The following DAAM2 variants were observed in gnomAD, a reference collection of about 807,000 sequenced individuals.
DAAM2 encodes dishevelled associated activator of morphogenesis 2.
DAAM2 carries 39 observed loss-of-function variants against 120.7 expected under a neutral mutation model. That is an observed-to-expected ratio of 0.32 (90% CI 0.25 to 0.42). DAAM2 has a LOEUF of 0.42. DAAM2 is among the 10% of genes least tolerant of loss of function. DAAM2 has a pLI of 1.00. For synonymous variants in DAAM2, 488 were observed against 524.9 expected (o/e 0.93, Z 0.96); for missense variants, 1,283 against 1,401.7 (o/e 0.92, Z 1.35).
At chr6:39,807,361 A>G (rs1231425823) in intron 1 of DAAM2, among the ~76,000 whole-genome samples, 1 of 152,240 alleles carries the variant, frequency 6.6e-6, no homozygotes, top group African/African-American at 2.4e-5. Flanking sequence ...ATTTATATGT[A>G]TAATTAAAGC....
At chr6:39,844,578 C>T (rs532608414) in intron 1 of DAAM2, among the ~76,000 whole-genome samples, 7 of 152,242 alleles carry the variant, frequency 4.6e-5, no homozygotes, top group East Asian at 1.9e-4. Context: ...CGGTCTATGG[C>T]GGATGTAAGC....
chr6:39,891,290 C>T (rs1310592705), intron 17 of DAAM2, 51 bp from the exon 18 acceptor site: 2 of 1,409,462 alleles, frequency 1.4e-6, no homozygotes, highest in East Asian at 2.4e-5. Flanking sequence ...CCCTGTACCC[C>T]ATGTCTGCTG....
chr6:39,798,504 G>A (rs1192633005), intron 1 of DAAM2, among the ~76,000 whole-genome samples: 1 of 152,198 alleles, frequency 6.6e-6, no homozygotes, highest in Non-Finnish European at 1.5e-5. Context: ...CAGTAAGCTT[G>A]TGTGAAGAAA....
Position 39,901,411 on chromosome 6 carries a change from A to G in DAAM2, c.2921A>G (p.Asp974Gly). Residue 974 changes from aspartate (D) to glycine (G), a missense_variant, in exon 24 of 25, where the codon GAT becomes GGT. This residue lies in a region of DAAM2 where 748 missense variants were observed against 768.6 expected (regional missense o/e 0.97). Transcript: ENST00000274867. The surrounding 1 kb of genome is among the most constrained non-coding windows in gnomAD (Gnocchi z 4.5). ...CAGGCCTTCTCAGAGGCCCGGCAGG[A>G]TCTAGAGGCCATGAGGAGGAGGAAG... ...FLQAFSEARQ[D>G]LEAMRRRKEE... 1 of 1,613,574 alleles carries G rather than the reference A, an allele frequency of 6.2e-7. No individual in the cohort carries two copies. The highest frequency in any genetic ancestry group is 8.5e-7 in the Non-Finnish European group (1 of 1,179,850).
intron 10 of DAAM2, among the ~76,000 whole-genome samples, 154 bp downstream of exon 10, chr6:39,873,509 C>T (rs1390206929): frequency 1.3e-5 from 2 of 152,324 alleles, no homozygotes; most frequent in East Asian, 1.9e-4. Context: ...GACGGAGGCC[C>T]CTGCTTTTCC....
At chr6:39,886,559 C>T in intron 15 of DAAM2, 1 of 398,478 alleles carries the variant, frequency 2.5e-6, no homozygotes, top group Admixed American at 4.4e-5. Context: ...CTACCTTATT[C>T]CCCATTCATA....
intron 1 of DAAM2, among the ~76,000 whole-genome samples, chr6:39,815,638 C>T (rs563396065): frequency 7.9e-5 from 10 of 127,284 alleles, no homozygotes; most frequent in African/African-American, 2.8e-4. Context: ...GAATTACTCC[C>T]ATACCCCTGG....
chr6:39,882,642 T>C (rs1034499435), intron 14 of DAAM2, among the ~76,000 whole-genome samples: 1 of 151,882 alleles, frequency 6.6e-6, no homozygotes, highest in Admixed American at 6.6e-5. Flanking sequence ...CCCACACCCC[T>C]TTCCAGAAGC....
At chr6:39,880,758 C>T (rs73734943) in intron 14 of DAAM2, among the ~76,000 whole-genome samples, 3,175 of 152,268 alleles carry the variant, frequency 0.021, 113 homozygotes, top group African/African-American at 0.072. Flanking sequence ...TGTAGTTTCC[C>T]GGGCCTCTGA....
intron 1 of DAAM2, among the ~76,000 whole-genome samples, chr6:39,830,041 C>A (rs996899451): frequency 1.3e-5 from 2 of 152,098 alleles, no homozygotes; most frequent in Non-Finnish European, 2.9e-5. Context: ...TGCCCACTAC[C>A]CCGGCCTGCT....
chr6:39,807,604 C>T (rs1321423551), intron 1 of DAAM2, among the ~76,000 whole-genome samples: 1 of 152,158 alleles, frequency 6.6e-6, no homozygotes, highest in Non-Finnish European at 1.5e-5. Context: ...GCAACCTCCG[C>T]CTCCTGGGTT....
In DAAM2 at chr6:39,886,436, C is replaced by T. The variant is rs1765383092; in HGVS notation, c.1954-1050C>T. 4 of 399,206 alleles carry T rather than the reference C, an allele frequency of 1.0e-5. No individual in the cohort carries two copies. The South Asian group carries it at 5.1e-4, about 51-fold the overall frequency. The allele number at this position is 399,206 out of a possible 1,614,324, so 24.7% of individuals were successfully genotyped here. A position where few individuals can be genotyped will look rare whatever the true frequency, so the allele number is the denominator to read the frequency against. On this transcript the variant is annotated intron_variant, in intron 15 of 24. Coordinates refer to ENST00000274867, the MANE Select transcript of DAAM2 (RefSeq NM_001201427.2). ...TGCTGCCTAGGAGCTGATAACTAAT[C>T]CTTCTCAGCAGGTGAGTTACTCTCG...
chr6:39,875,359 T>G lies in DAAM2; in HGVS notation c.1192T>G (p.Trp398Gly). 1 of 1,613,932 alleles carries G rather than the reference T, an allele frequency of 6.2e-7. No homozygotes were observed. Among genetic ancestry groups the G allele is most frequent in the Non-Finnish European group, 8.5e-7 (1 of 1,179,842 alleles). ...ACGGAACGGTGGCTACTTCCAGCAG[T>G]GGCAGCTCCTGGACCGCATCCTCCA... ...YKRNGGYFQQWQLLDRILQQI... is the reference protein window; with the variant it reads ...YKRNGGYFQQGQLLDRILQQI... The change falls in exon 11 of 25, where the codon TGG becomes GGG. Residue 398 changes from tryptophan (W) to glycine (G), a missense_variant. Physicochemically the swap from Trp to Gly is radical, Grantham distance 184 (BLOSUM62 -2). This residue lies in a region of DAAM2 where 338 missense variants were observed against 443.9 expected (regional missense o/e 0.76). Transcript: ENST00000274867.
At chr6:39,840,655 G>C (rs1193961253) in intron 1 of DAAM2, among the ~76,000 whole-genome samples, 1 of 152,134 alleles carries the variant, frequency 6.6e-6, no homozygotes. Context: ...GAAGGAAGGA[G>C]ATGGAGGGGA....
intron 1 of DAAM2, among the ~76,000 whole-genome samples, chr6:39,836,463 T>C (rs1763106416): frequency 6.6e-6 from 1 of 152,166 alleles, no homozygotes; most frequent in South Asian, 2.1e-4. Flanking sequence ...TACTGTGATC[T>C]CTAGTTGACA....
chr6:39,879,298 C>T lies in DAAM2; in HGVS notation c.1666C>T (p.Pro556Ser), dbSNP rs1765011823. 1 of 1,491,682 alleles carries T rather than the reference C, an allele frequency of 6.7e-7. No homozygotes were observed. Among genetic ancestry groups the T allele is most frequent in the Non-Finnish European group, 9.2e-7 (1 of 1,086,780 alleles). The allele number at this position is 1,491,682 out of a possible 1,614,324, so 92.4% of individuals were successfully genotyped here. A position where few individuals can be genotyped will look rare whatever the true frequency, so the allele number is the denominator to read the frequency against. The change falls in exon 14 of 25, where the codon CCA becomes TCA. Residue 556 changes from proline (P) to serine (S), a missense_variant. Physicochemically the swap from Pro to Ser is moderately conservative, Grantham distance 74. Around this residue, in one of 3 missense-constraint regions of DAAM2, gnomAD observed 748 missense variants for 768.6 expected, o/e 0.97. Transcript: ENST00000274867. ...PLPFACCPPP[P>S]PPPLPPGGPP... is the part of the protein sequence containing the mutation. ...GCCCTTTGCCTGTTGTCCCCCTCCC[C>T]CACCACCACCCCTTCCTCCCGGGGG...
chr6:39,891,640 C>A lies in DAAM2; in HGVS notation c.2259C>A (p.Asp753Glu), dbSNP rs1463541574. The A allele has an allele frequency of 1.2e-6, 2 of 1,610,968 alleles. No individual in the cohort carries two copies. Among genetic ancestry groups the A allele is most frequent in the Non-Finnish European group, 1.7e-6 (2 of 1,178,608 alleles). Residue 753 changes from aspartate to glutamate, a missense_variant, in exon 19 of 25, where the codon GAC (aspartate) becomes GAA (glutamate). Coordinates refer to ENST00000274867, the MANE Select transcript of DAAM2 (RefSeq NM_001201427.2). ...TGGTTCACCTTGTCTACAGGATTGA[C>A]CACTACCAGCAGCGACTGCAAGCCC... ...DRFLYEMSRI[D>E]HYQQRLQALF... is the part of the protein sequence containing the mutation.
chr6:39,888,900 G>A, intron 17 of DAAM2, 137 bp downstream of exon 17: 2 of 509,006 alleles, frequency 3.9e-6, no homozygotes, highest in Admixed American at 3.3e-5. Flanking sequence ...GTTTATAGAA[G>A]CCTCCCTGGG....
intron 14 of DAAM2, chr6:39,882,046 G>A (rs1412607292): frequency 6.6e-6 from 1 of 152,218 alleles, no homozygotes; most frequent in Non-Finnish European, 1.5e-5. Context: ...GAAACATAAT[G>A]AAACATGCTT....
Sources: allele counts gnomAD v4.1 joint callset (sites outside exome capture counted in the v4.1 genomes callset), GRCh38; gene constraint gnomAD v4.1.1; regional missense constraint gnomAD v4.1.1; non-coding constraint Gnocchi (gnomAD v3.1); transcripts MANE v1.5; gene names NCBI Gene and HGNC (gene_info 2026-07-23, HGNC 2026-07-21).